The following TAF2 variants were observed in gnomAD, a reference collection of about 807,000 sequenced individuals.
TAF2 encodes transcription initiation factor TFIID subunit 2.
TAF2 carries 61 observed loss-of-function variants against 138.5 expected under a neutral mutation model. The ratio of observed to expected loss-of-function variants is 0.44; its 90% CI spans 0.36 to 0.54. The LOEUF is 0.54. Ranked by LOEUF, TAF2 falls within the 20% of genes least tolerant of loss-of-function variation. TAF2 has a pLI of 0.00. For synonymous variants in TAF2, 475 were observed against 469.9 expected (o/e 1.01, Z -0.14); for missense variants, 1,090 against 1,427.9 (o/e 0.76, Z 3.81).
At chr8:119,752,550 A>G (rs2131028800) in intron 22 of TAF2, among the ~76,000 whole-genome samples, 1 of 152,308 alleles carries the variant, frequency 6.6e-6, no homozygotes, top group African/African-American at 2.4e-5. Flanking sequence ...TATTTCTAAA[A>G]TGAGTACCAG....
At chr8:119,745,007 T>C in intron 23 of TAF2, 2 of 456,244 alleles carry the variant, frequency 4.4e-6, no homozygotes, top group Non-Finnish European at 8.8e-6. Context: ...ATATATTACA[T>C]GATGCTTCCT....
rs190474914 is a variant in TAF2 at position 119,826,632 on chromosome 8, C to T, written c.138+5045G>A. Among the ~76,000 whole-genome samples, 7 of 151,388 alleles carry T rather than the reference C, an allele frequency of 4.6e-5. No homozygotes were observed. The East Asian group carries it at 1.4e-3, about 29-fold the overall frequency. ...TGAGATGGGGTTTCACTCTTGTTGT[C>T]CAGGCTGGAGTGCAGCAGTGCGATT... is the stretch of plus-strand genomic sequence containing the variant. On this transcript the variant is annotated intron_variant, in intron 2 of 25. Coordinates refer to ENST00000378164, the MANE Select transcript of TAF2 (RefSeq NM_003184.4).
intron 3 of TAF2, among the ~76,000 whole-genome samples, chr8:119,816,471 T>C (rs537942102): frequency 6.6e-6 from 1 of 152,370 alleles, no homozygotes; most frequent in South Asian, 2.1e-4. Flanking sequence ...CATACTTGTA[T>C]GTAAAATCAA....
intron 14 of TAF2, among the ~76,000 whole-genome samples, chr8:119,787,793 G>A (rs1291611073): frequency 6.6e-6 from 1 of 152,192 alleles, no homozygotes; most frequent in Non-Finnish European, 1.5e-5. Context: ...GCACACGTAT[G>A]TTTATTGCAG....
intron 15 of TAF2, 140 bp from the exon 16 acceptor site, chr8:119,783,773 C>A: frequency 9.5e-7 from 1 of 1,049,842 alleles, no homozygotes; most frequent in Non-Finnish European, 1.3e-6. Flanking sequence ...TTACTGTATT[C>A]ATTTTTTTAA....
intron 19 of TAF2, among the ~76,000 whole-genome samples, 187 bp from the exon 20 acceptor site, chr8:119,760,925 A>G (rs1821021757): frequency 6.6e-6 from 1 of 152,238 alleles, no homozygotes; most frequent in African/African-American, 2.4e-5. Flanking sequence ...AACTGCATAT[A>G]CAATGGTGGT....
At chr8:119,765,874 G>A (rs1377347297) in intron 18 of TAF2, among the ~76,000 whole-genome samples, 1 of 151,990 alleles carries the variant, frequency 6.6e-6, no homozygotes, top group African/African-American at 2.4e-5. Flanking sequence ...TGAGATAGAG[G>A]TACTATTACT....
chr8:119,778,366 A>G (rs1332420639), intron 17 of TAF2, among the ~76,000 whole-genome samples: 30 of 152,214 alleles, frequency 2.0e-4, no homozygotes. Context: ...ATCACTCTGT[A>G]GGCTATGTGC....
In TAF2 at chr8:119,762,588, A is replaced by G; in HGVS notation, c.2385T>C (p.Arg795=). The G allele has an allele frequency of 6.2e-7, 1 of 1,612,836 alleles. No individual in the cohort carries two copies. Among genetic ancestry groups the G allele is most frequent in the Non-Finnish European group, 8.5e-7 (1 of 1,179,330 alleles). The change falls in exon 19 of 26, where the codon CGT becomes CGC. Residue 795 remains arginine (R), a synonymous_variant. Coordinates refer to ENST00000378164, the MANE Select transcript of TAF2 (RefSeq NM_003184.4). ...RKNKFSDNYY[R]AEMIDALANS... ...TGGCCAGGGCATCAATCATTTCTGC[A>G]CGATAATAGTTATCTGAAAACTAGG...
At chr8:119,768,494 C>G (rs559020029) in intron 18 of TAF2, among the ~76,000 whole-genome samples, 2 of 152,130 alleles carry the variant, frequency 1.3e-5, no homozygotes, top group East Asian at 1.9e-4. Context: ...GTATTGATTT[C>G]TAATTTTATT....
At chr8:119,817,126 T>C (rs1825529801) in intron 3 of TAF2, among the ~76,000 whole-genome samples, 1 of 152,204 alleles carries the variant, frequency 6.6e-6, no homozygotes, top group South Asian at 2.1e-4. Context: ...TCTAGTTGAA[T>C]GAAAAACTTT....
At chr8:119,784,048 C>T (rs543744078) in intron 15 of TAF2, among the ~76,000 whole-genome samples, 1 of 152,214 alleles carries the variant, frequency 6.6e-6, no homozygotes, top group Admixed American at 6.5e-5. Flanking sequence ...TCACGATCGC[C>T]TTTTTCAAAC....
At chr8:119,751,079 A>G (rs1391317720) in intron 22 of TAF2, among the ~76,000 whole-genome samples, 1 of 152,222 alleles carries the variant, frequency 6.6e-6, no homozygotes. Flanking sequence ...TGGAGCCCCA[A>G]TAAAAATCTC....
chr8:119,780,299 T>C (rs1822551920), intron 17 of TAF2, among the ~76,000 whole-genome samples: 1 of 152,212 alleles, frequency 6.6e-6, no homozygotes, highest in Non-Finnish European at 1.5e-5. Flanking sequence ...AATATAAGCA[T>C]AGCATAAAAC....
intron 3 of TAF2, among the ~76,000 whole-genome samples, chr8:119,816,739 G>C (rs996439090): frequency 5.3e-5 from 8 of 152,200 alleles, no homozygotes; most frequent in South Asian, 2.1e-4. Context: ...AATAATTGGT[G>C]TGTTTTTGTC....
intron 21 of TAF2, among the ~76,000 whole-genome samples, chr8:119,757,232 G>C (rs955314032): frequency 6.6e-6 from 1 of 152,136 alleles, no homozygotes. Flanking sequence ...TGAAATTTAA[G>C]ACTGTGTAAA....
At chr8:119,744,748 G>A (rs957044222) in intron 23 of TAF2, 5 of 374,260 alleles carry the variant, frequency 1.3e-5, no homozygotes, top group East Asian at 1.4e-4. Context: ...TGTCTCAGAA[G>A]GACCTTTGAG....
chr8:119,762,243 A>G (rs745387353), intron 19 of TAF2, among the ~76,000 whole-genome samples, 172 bp downstream of exon 19: 2 of 152,224 alleles, frequency 1.3e-5, no homozygotes, highest in East Asian at 1.9e-4. Flanking sequence ...GAGAGAAAAA[A>G]TTTAGAAGGA....
chr8:119,757,943 A>G (rs1024073932), intron 21 of TAF2, 130 bp downstream of exon 21: 2 of 798,082 alleles, frequency 2.5e-6, no homozygotes, highest in African/African-American at 3.5e-5. Context: ...TTTAAAAAGG[A>G]CATGAATAAA....
Sources: allele counts gnomAD v4.1 joint callset (sites outside exome capture counted in the v4.1 genomes callset), GRCh38; gene constraint gnomAD v4.1.1; transcripts MANE v1.5; gene names NCBI Gene and HGNC (gene_info 2026-07-23, HGNC 2026-07-21).